PRR16: variants seen among roughly 807,000 people sequenced by gnomAD.
The protein encoded by PRR16 is protein Largen.
A neutral mutation model predicts 18.2 loss-of-function variants in PRR16; 6 were observed. The observed-to-expected ratio is 0.33, with a 90% CI of 0.18 to 0.65. PRR16 has a LOEUF of 0.65. PRR16 is among the 30% of genes least tolerant of loss of function. PRR16 has a pLI of 0.74. For missense variants in PRR16, 412 were observed against 376.6 expected (o/e 1.09, Z -0.78); for synonymous variants, 151 against 147.8 (o/e 1.02, Z -0.16).
chr5:120,608,244 C>T (rs1463973303), intron 1 of PRR16, among the ~76,000 whole-genome samples: 2 of 152,254 alleles, frequency 1.3e-5, no homozygotes, highest in Admixed American at 6.5e-5. Context: ...TGCATAATAT[C>T]CATTTTTTTC....
In PRR16 at chr5:120,464,538, C is replaced by T; in HGVS notation, c.52C>T (p.Pro18Ser). 6.3e-7 allele frequency: 1 copy of T among 1,591,628 alleles called. No homozygotes were observed. The highest frequency in any genetic ancestry group is 8.5e-7 in the Non-Finnish European group (1 of 1,177,188). Residue 18 changes from proline (P) to serine (S), a missense_variant, in exon 1 of 2, where the codon CCG becomes TCG. Pro to Ser is a moderately conservative substitution (Grantham distance 74). Coordinates refer to ENST00000407149, the MANE Select transcript of PRR16 (RefSeq NM_001300783.2). ...NPSSSCPAEG[P>S]PAASKTKVKE... ...CTCCTCGTCCTGTCCAGCCGAGGGA[C>T]CGCCGGCAGCCTCCAAAACCAAGGT...
intron 1 of PRR16, among the ~76,000 whole-genome samples, chr5:120,516,484 G>GACACACACACACAC (rs149936115): frequency 1.2e-4 from 16 of 136,502 alleles, no homozygotes; most frequent in Middle Eastern, 3.8e-3. Flanking sequence ...AGGAGGGAAG[G>GACACACACACACAC]ACACACACAC....
At chr5:120,751,081 C>T in the PRR16 span, among the ~76,000 whole-genome samples, 1 of 152,030 alleles carries the variant, frequency 6.6e-6, no homozygotes, top group African/African-American at 2.4e-5. Flanking sequence ...ACATAATGTC[C>T]TCCAGTTCCA....
the PRR16 span, among the ~76,000 whole-genome samples, chr5:120,753,958 A>AT: frequency 8.4e-6 from 1 of 118,972 alleles, no homozygotes. Context: ...TATATATTAT[A>AT]TATAATATAT....
intron 1 of PRR16, among the ~76,000 whole-genome samples, chr5:120,635,230 G>T (rs1755188878): frequency 6.6e-6 from 1 of 152,032 alleles, no homozygotes; most frequent in Non-Finnish European, 1.5e-5. Flanking sequence ...TATTCCAAAA[G>T]ATAGAGAATG....
At chr5:120,570,192 G>T (rs560169350) in intron 1 of PRR16, among the ~76,000 whole-genome samples, 10 of 152,204 alleles carry the variant, frequency 6.6e-5, no homozygotes, top group African/African-American at 2.2e-4. Context: ...CTGCAGCAAA[G>T]ATCTCTAAAT....
intron 1 of PRR16, among the ~76,000 whole-genome samples, chr5:120,543,391 C>T (rs1305990031): frequency 6.6e-6 from 1 of 151,956 alleles, no homozygotes. Context: ...TATCTGGGGA[C>T]CATTATGTCA....
chr5:120,507,905 C>A (rs929476222), intron 1 of PRR16, among the ~76,000 whole-genome samples: 4 of 152,084 alleles, frequency 2.6e-5, no homozygotes, highest in Admixed American at 2.0e-4. Flanking sequence ...CAAAGCAGTG[C>A]ATTTATAACA....
At chr5:120,499,568 T>A (rs931280446) in intron 1 of PRR16, among the ~76,000 whole-genome samples, 16 of 152,254 alleles carry the variant, frequency 1.1e-4, no homozygotes, top group East Asian at 3.9e-4. Flanking sequence ...TTAATTTTGA[T>A]TTTTGTATTT....
chr5:120,758,323 C>G, the PRR16 span, among the ~76,000 whole-genome samples: 2 of 144,950 alleles, frequency 1.4e-5, no homozygotes, highest in African/African-American at 4.9e-5. Flanking sequence ...TGTTGCTGGG[C>G]TCTGTATCAT....
chr5:120,750,912 C>T, the PRR16 span, among the ~76,000 whole-genome samples: 1 of 152,086 alleles, frequency 6.6e-6, no homozygotes, highest in African/African-American at 2.4e-5. Context: ...GAACTTATTC[C>T]TTCATCCAAC....
intron 1 of PRR16, among the ~76,000 whole-genome samples, chr5:120,484,867 A>G (rs915536708): frequency 4.6e-5 from 7 of 151,348 alleles, no homozygotes; most frequent in African/African-American, 1.7e-4. Context: ...TCTTGTAAGG[A>G]GCTGTTTTAA....
the PRR16 span, among the ~76,000 whole-genome samples, chr5:120,698,512 T>C: frequency 7.6e-6 from 1 of 131,494 alleles, no homozygotes; most frequent in Admixed American, 7.5e-5. Context: ...GGAGAAACAG[T>C]GTAAACAAGA....
the PRR16 span, among the ~76,000 whole-genome samples, chr5:120,741,239 ATATT>A: frequency 1.3e-5 from 2 of 151,848 alleles, no homozygotes; most frequent in South Asian, 2.1e-4. Context: ...ATTCCTTCAT[ATATT>A]TATTTATTTA....
At chr5:120,606,840 A>G (rs1711677523) in intron 1 of PRR16, among the ~76,000 whole-genome samples, 2 of 152,094 alleles carry the variant, frequency 1.3e-5, no homozygotes, top group Admixed American at 6.6e-5. Flanking sequence ...CACGAAACAC[A>G]AGGCTACAGT....
chr5:120,602,997 T>C (rs563921130), intron 1 of PRR16, among the ~76,000 whole-genome samples: 1 of 152,206 alleles, frequency 6.6e-6, no homozygotes, highest in Admixed American at 6.5e-5. Flanking sequence ...TGCATCTATG[T>C]TCATTAGGAA....
the PRR16 span, among the ~76,000 whole-genome samples, chr5:120,704,159 G>T: frequency 2.6e-5 from 4 of 152,104 alleles, no homozygotes; most frequent in African/African-American, 4.8e-5. Context: ...TTAAAAAAGG[G>T]GTATGGGAAA....
rs187138610 is a variant in PRR16, at chr5:120,533,996, G to C, written c.159+69351G>C. ...AGTTTTGTGGCCTGAGCATTTTTAG[G>C]TGCCTCCATTAAGATGGAGAAGGCT... On this transcript the variant is annotated intron_variant, in intron 1 of 1. Coordinates refer to ENST00000407149, the MANE Select transcript of PRR16 (RefSeq NM_001300783.2). Among the ~76,000 whole-genome samples, 175 of 152,254 alleles carry C rather than the reference G, an allele frequency of 1.1e-3. 1 individual carries two copies. The highest frequency in any genetic ancestry group is 1.9e-3 in the Non-Finnish European group (128 of 68,014).
chr5:120,665,461 A>G (rs919354110), intron 1 of PRR16, among the ~76,000 whole-genome samples: 1 of 152,052 alleles, frequency 6.6e-6, no homozygotes, highest in Admixed American at 6.6e-5. Context: ...CTTTAGTTTA[A>G]TTAGATCCCA....
Sources: gnomAD v4.1 joint callset for allele counts (sites outside exome capture counted in the v4.1 genomes callset) on GRCh38, gnomAD v4.1.1 for gene constraint, MANE v1.5 for transcripts, NCBI Gene and HGNC (gene_info 2026-07-23, HGNC 2026-07-21) for gene names.